CORIN: variants seen among roughly 807,000 people sequenced by gnomAD.
CORIN encodes corin, serine peptidase.
A neutral mutation model predicts 125.3 loss-of-function variants in CORIN; 117 were observed. That is an observed-to-expected ratio of 0.93 (90% CI 0.80 to 1.09). The LOEUF (loss-of-function observed/expected upper bound fraction) is 1.09. CORIN is among the 50% of genes least tolerant of loss of function. CORIN has a pLI of 0.00. For missense variants in CORIN, 1,253 were observed against 1,306.7 expected (o/e 0.96, Z 0.63); for synonymous variants, 450 against 466.4 (o/e 0.96, Z 0.45).
intron 5 of CORIN, among the ~76,000 whole-genome samples, chr4:47,694,166 T>A (rs1417572494): frequency 6.6e-6 from 1 of 152,214 alleles, no homozygotes; most frequent in East Asian, 1.9e-4. Context: ...AAATACTTAA[T>A]GTCCTAGGAC....
intron 1 of CORIN, among the ~76,000 whole-genome samples, chr4:47,821,413 A>G (rs1249495486): frequency 4.6e-5 from 7 of 151,006 alleles, no homozygotes; most frequent in Non-Finnish European, 1.0e-4. Context: ...TTCAGTCATA[A>G]TCAAATAATT....
At chr4:47,743,054 T>C (rs1018876448) in intron 5 of CORIN, among the ~76,000 whole-genome samples, 3 of 152,148 alleles carry the variant, frequency 2.0e-5, no homozygotes, top group Non-Finnish European at 2.9e-5. Flanking sequence ...TTAATTCCTA[T>C]CTTTTACCTT....
intron 1 of CORIN, among the ~76,000 whole-genome samples, chr4:47,827,879 G>A (rs748579305): frequency 1.3e-5 from 2 of 152,036 alleles, no homozygotes; most frequent in East Asian, 1.9e-4. Context: ...GTCTCTCCTC[G>A]TTCTGTTCAC....
intron 2 of CORIN, among the ~76,000 whole-genome samples, chr4:47,795,548 C>G (rs1731254220): frequency 6.6e-6 from 1 of 150,378 alleles, no homozygotes; most frequent in African/African-American, 2.4e-5. Flanking sequence ...ATCCTATTAA[C>G]AAGGATTTCT....
chr4:47,790,136 T>C (rs1340380428), intron 2 of CORIN: 2 of 745,062 alleles, frequency 2.7e-6, no homozygotes, highest in Non-Finnish European at 3.3e-6. Flanking sequence ...TGGTTAAAAG[T>C]ACAGGTTTAA....
chr4:47,829,224 T>A (rs1211395936), intron 1 of CORIN, among the ~76,000 whole-genome samples: 1 of 150,740 alleles, frequency 6.6e-6, no homozygotes, highest in Non-Finnish European at 1.5e-5. Flanking sequence ...GATTACATAT[T>A]AAAATTATGA....
chr4:47,678,578 T>C (rs1467960909), intron 8 of CORIN, among the ~76,000 whole-genome samples: 2 of 152,180 alleles, frequency 1.3e-5, no homozygotes, highest in African/African-American at 4.8e-5. Context: ...AAATAGTATA[T>C]GGGAAAGAAC....
chr4:47,735,451 T>G (rs533165922), intron 5 of CORIN, among the ~76,000 whole-genome samples: 1 of 152,152 alleles, frequency 6.6e-6, no homozygotes. Context: ...CTCAGATGAG[T>G]GTACTTCGGA....
chr4:47,750,697 T>G (rs1340469340), intron 4 of CORIN, among the ~76,000 whole-genome samples: 1 of 152,158 alleles, frequency 6.6e-6, no homozygotes, highest in Non-Finnish European at 1.5e-5. Context: ...CCATGTAACC[T>G]GGCAGAAAGG....
intron 10 of CORIN, among the ~76,000 whole-genome samples, chr4:47,666,227 CAT>C (rs1724471844): frequency 6.6e-6 from 1 of 152,210 alleles, no homozygotes; most frequent in Non-Finnish European, 1.5e-5. Context: ...GTCTTAGGCA[CAT>C]ACCCACCATA....
intron 5 of CORIN, among the ~76,000 whole-genome samples, chr4:47,725,708 T>C (rs1006808783): frequency 6.6e-6 from 1 of 152,084 alleles, no homozygotes; most frequent in African/African-American, 2.4e-5. Context: ...TTGAGATAAG[T>C]AAATAGTTCT....
chr4:47,609,057 A>G (rs1307663964), intron 19 of CORIN, among the ~76,000 whole-genome samples: 1 of 152,130 alleles, frequency 6.6e-6, no homozygotes, highest in African/African-American at 2.4e-5. Context: ...ATAGAAATTT[A>G]TCTATTTTAC....
At chr4:47,748,281 T>C (rs1472676964) in intron 4 of CORIN, among the ~76,000 whole-genome samples, 2 of 152,224 alleles carry the variant, frequency 1.3e-5, no homozygotes, top group Non-Finnish European at 1.5e-5. Flanking sequence ...GGCCACACTA[T>C]TTTGGAATAT....
chr4:47,727,411 T>C (rs558555160), intron 5 of CORIN, among the ~76,000 whole-genome samples: 1 of 152,236 alleles, frequency 6.6e-6, no homozygotes, highest in South Asian at 2.1e-4. Context: ...TATGGAATTC[T>C]AATATGTGTC....
At chr4:47,703,917 AC>A (rs1726426817) in intron 5 of CORIN, among the ~76,000 whole-genome samples, 1 of 152,268 alleles carries the variant, frequency 6.6e-6, no homozygotes, top group Non-Finnish European at 1.5e-5. Flanking sequence ...AGTGATCAAC[AC>A]ACACAGGCAT....
intron 6 of CORIN, among the ~76,000 whole-genome samples, chr4:47,688,160 C>T (rs956774355): frequency 6.6e-6 from 1 of 152,182 alleles, no homozygotes; most frequent in South Asian, 2.1e-4. Flanking sequence ...TTAATCCCAT[C>T]TTTTCCATCA....
intron 3 of CORIN, among the ~76,000 whole-genome samples, chr4:47,770,173 T>G (rs1729957491): frequency 6.6e-6 from 1 of 151,896 alleles, no homozygotes; most frequent in Non-Finnish European, 1.5e-5. Context: ...AAACAATAAC[T>G]AAATTTAAAA....
Position 47,626,445 on chromosome 4 carries a change from T to C in CORIN, c.2275A>G (p.Ser759Gly). 1 of 1,613,872 alleles carries C rather than the reference T, an allele frequency of 6.2e-7. No individual in the cohort carries two copies. The highest frequency in any genetic ancestry group is 2.2e-5 in the East Asian group (1 of 44,874). Reference sequence around the variant, plus strand: ...TCATGTAAAGTGGTCCCATTGAGGCTCTCCCAGTTGGAGTGTAATGTCAGC... The same window carrying C: ...TCATGTAAAGTGGTCCCATTGAGGCCCTCCCAGTTGGAGTGTAATGTCAGC... ...RWLTLHSNWE[S>G]LNGTTLHELL... is the part of the protein sequence containing the mutation. The change falls in exon 17 of 22, where the codon AGC (serine) becomes GGC (glycine). Residue 759 changes from serine (S) to glycine (G), a missense_variant. Physicochemically the swap from Ser to Gly is moderately conservative, Grantham distance 56. Transcript: ENST00000273857.
intron 19 of CORIN, among the ~76,000 whole-genome samples, chr4:47,623,117 T>TATATATATATATATATATATACACAC (rs141525347): frequency 1.9e-4 from 25 of 134,492 alleles, no homozygotes; most frequent in African/African-American, 5.6e-4. Flanking sequence ...TATATATATA[T>TATATATATATATATATATATACACAC]ACACACACAC....
Sources: allele counts gnomAD v4.1 joint callset (sites outside exome capture counted in the v4.1 genomes callset), GRCh38; gene constraint gnomAD v4.1.1; transcripts MANE v1.5; gene names NCBI Gene and HGNC (gene_info 2026-07-23, HGNC 2026-07-21).